ZNG1A: variants seen among roughly 807,000 people sequenced by gnomAD.
ZNG1A encodes the protein Zn regulated GTPase metalloprotein activator 1A.
At chr9:163,874 G>C in the ZNG1A span, 2 of 1,064,060 alleles carry the variant, frequency 1.9e-6, no homozygotes, top group Non-Finnish European at 2.8e-6. Flanking sequence ...CCGAGATCAT[G>C]CCACTGCACT....
the ZNG1A span, chr9:148,922 A>ACCAG: frequency 6.7e-6 from 1 of 149,146 alleles, no homozygotes; most frequent in Non-Finnish European, 1.5e-5. Context: ...AACAGGGTGC[A>ACCAG]CCAGCCAATC....
the ZNG1A span, among the ~76,000 whole-genome samples, chr9:140,423 G>C: frequency 1.3e-5 from 2 of 151,024 alleles, no homozygotes; most frequent in African/African-American, 4.9e-5. Context: ...CACACGGCCG[G>C]GTACTCCAAC....
At chr9:145,251 A>G in the ZNG1A span, among the ~76,000 whole-genome samples, 11 of 151,612 alleles carry the variant, frequency 7.3e-5, no homozygotes, top group African/African-American at 2.7e-4. Flanking sequence ...ATGCACACGT[A>G]TATTTATTGC....
the ZNG1A span, among the ~76,000 whole-genome samples, chr9:141,813 C>A: frequency 0.052 from 4,248 of 81,320 alleles, no homozygotes; most frequent in South Asian, 0.06. Flanking sequence ...CGTGCAGAGA[C>A]ACACACAGGC....
chr9:129,109 G>A, the ZNG1A span, among the ~76,000 whole-genome samples: 2 of 151,446 alleles, frequency 1.3e-5, no homozygotes, highest in Non-Finnish European at 2.9e-5. Context: ...ACTCTTTGAG[G>A]GTTCTTAGCT....
the ZNG1A span, among the ~76,000 whole-genome samples, chr9:126,540 G>A: frequency 2.2e-4 from 34 of 152,190 alleles, 2 homozygotes; most frequent in Non-Finnish European, 4.4e-4. Context: ...TTTCTGTGGT[G>A]TCAGTTGTAA....
At chr9:121,597 G>A in the ZNG1A span, 74 of 1,591,476 alleles carry the variant, frequency 4.6e-5, no homozygotes, top group Admixed American at 3.8e-4. Context: ...AAAATATGAC[G>A]TGATTACATT....
At chr9:172,037 T>C in the ZNG1A span, 27 of 1,609,086 alleles carry the variant, frequency 1.7e-5, no homozygotes, top group Non-Finnish European at 2.1e-5. Flanking sequence ...ATTTACAATA[T>C]ATCACAGAAC....
chr9:161,672 A>C, the ZNG1A span: 2 of 1,201,330 alleles, frequency 1.7e-6, no homozygotes, highest in East Asian at 1.1e-4. Context: ...GTTGAGAAAC[A>C]TCATTTTACT....
At chr9:177,414 G>C in the ZNG1A span, among the ~76,000 whole-genome samples, 4 of 151,788 alleles carry the variant, frequency 2.6e-5, no homozygotes, top group African/African-American at 9.7e-5. Flanking sequence ...CAGGATTTGG[G>C]GGGATGGTAA....
At chr9:131,466 T>G in the ZNG1A span, among the ~76,000 whole-genome samples, 2 of 149,702 alleles carry the variant, frequency 1.3e-5, no homozygotes, top group Admixed American at 1.3e-4. Context: ...CCCCCTAATG[T>G]GCTTAAACTC....
At chr9:138,210 C>G in the ZNG1A span, among the ~76,000 whole-genome samples, 1 of 151,602 alleles carries the variant, frequency 6.6e-6, no homozygotes, top group African/African-American at 2.4e-5. Context: ...GGTACTGCTC[C>G]AATACCAGAA....
At chr9:145,479 A>G in the ZNG1A span, among the ~76,000 whole-genome samples, 1 of 145,646 alleles carries the variant, frequency 6.9e-6, no homozygotes, top group South Asian at 2.2e-4. Context: ...ATTCTCACTC[A>G]TAGGTGGGAA....
chr9:143,522 T>C, the ZNG1A span, among the ~76,000 whole-genome samples: 1 of 115,930 alleles, frequency 8.6e-6, no homozygotes, highest in Non-Finnish European at 1.7e-5. Flanking sequence ...TCTCAATAAA[T>C]TAGGTATTGA....
chr9:177,272 G>C, the ZNG1A span, among the ~76,000 whole-genome samples: 1 of 152,142 alleles, frequency 6.6e-6, no homozygotes, highest in Non-Finnish European at 1.5e-5. Flanking sequence ...GCCACTGAAA[G>C]GTGTGACGCA....
chr9:161,902 T>C, the ZNG1A span, among the ~76,000 whole-genome samples: 2 of 151,542 alleles, frequency 1.3e-5, no homozygotes, highest in Non-Finnish European at 2.9e-5. Flanking sequence ...TTCTTCAATA[T>C]GTACTTTTTA....
At chr9:174,976 T>C in the ZNG1A span, among the ~76,000 whole-genome samples, 1 of 151,890 alleles carries the variant, frequency 6.6e-6, no homozygotes, top group South Asian at 2.1e-4. Flanking sequence ...TTTAACTGCA[T>C]TGCAGATAAT....
the ZNG1A span, among the ~76,000 whole-genome samples, chr9:161,103 T>G: frequency 1.3e-5 from 2 of 151,956 alleles, no homozygotes; most frequent in Non-Finnish European, 2.9e-5. Flanking sequence ...TGGTAGCTAT[T>G]TGACAAACCT....
the ZNG1A span, among the ~76,000 whole-genome samples, chr9:152,607 A>C: frequency 0.77 from 116,258 of 150,656 alleles, 44,977 homozygotes; most frequent in South Asian, 0.82. Context: ...CTCGTCAGTT[A>C]CCTAATTAGG....
Sources: allele counts gnomAD v4.1 joint callset (sites outside exome capture counted in the v4.1 genomes callset), GRCh38; gene constraint gnomAD v4.1.1; transcripts MANE v1.5; gene names NCBI Gene and HGNC (gene_info 2026-07-23, HGNC 2026-07-21).